The following TPRG1 variants were observed in gnomAD, a reference collection of about 807,000 sequenced individuals.
TPRG1 encodes tumor protein p63-regulated gene 1 protein.
Under a neutral mutation model 29.3 loss-of-function variants are expected in TPRG1, and 29 were observed. The observed-to-expected ratio is 0.99, with a 90% CI of 0.74 to 1.35. The LOEUF (loss-of-function observed/expected upper bound fraction) is 1.35, where lower values mean the gene tolerates loss of function less well. Among genes scored for constraint, TPRG1 ranks in the 40% most tolerant of loss-of-function variants. The pLI, the probability that TPRG1 is intolerant of heterozygous loss-of-function variation, is 0.00. For synonymous variants in TPRG1, 130 were observed against 116.8 expected (o/e 1.11, Z -0.73); for missense variants, 327 against 335.0 (o/e 0.98, Z 0.19).
chr3:189,216,872 A>C (rs1290785380), intron 3 of TPRG1, among the ~76,000 whole-genome samples: 2 of 152,208 alleles, frequency 1.3e-5, no homozygotes, highest in African/African-American at 4.8e-5. Flanking sequence ...CCTTGATTAG[A>C]ATAGGTGTCA....
intron 4 of TPRG1, among the ~76,000 whole-genome samples, chr3:189,285,038 C>A (rs1717817874): frequency 6.6e-6 from 1 of 152,274 alleles, no homozygotes; most frequent in South Asian, 2.1e-4. Flanking sequence ...GCAATCTACT[C>A]ATCTGACAAA....
chr3:189,159,471 C>G (rs956774502), intron 5 of TPRG1, among the ~76,000 whole-genome samples: 1 of 152,062 alleles, frequency 6.6e-6, no homozygotes, highest in Non-Finnish European at 1.5e-5. Context: ...TCTGGAGGAG[C>G]AGGTTGGGAA....
chr3:189,292,805 T>C (rs1043470910), intron 4 of TPRG1, among the ~76,000 whole-genome samples: 1 of 152,220 alleles, frequency 6.6e-6, no homozygotes, highest in Non-Finnish European at 1.5e-5. Flanking sequence ...GATTTTGTTA[T>C]TAAATACTAC....
chr3:189,290,966 G>A (rs181999419), intron 4 of TPRG1, among the ~76,000 whole-genome samples: 6 of 152,154 alleles, frequency 3.9e-5, no homozygotes, highest in African/African-American at 1.4e-4. Flanking sequence ...GCAGTGGCCC[G>A]ATCTCCACTC....
chr3:189,110,659 T>A (rs1453604199), intron 1 of TPRG1, among the ~76,000 whole-genome samples: 3 of 152,024 alleles, frequency 2.0e-5, no homozygotes, highest in African/African-American at 7.2e-5. Flanking sequence ...CTGCTTTTTC[T>A]TCTGGAAGTT....
upstream of TPRG1, among the ~76,000 whole-genome samples, chr3:189,170,304 G>A (rs1190585532): frequency 6.6e-6 from 1 of 152,172 alleles, no homozygotes; most frequent in African/African-American, 2.4e-5. Flanking sequence ...TTTTCAGCCT[G>A]GGGTCTGTAT....
intron 4 of TPRG1, among the ~76,000 whole-genome samples, chr3:189,056,739 A>G (rs1179704720): frequency 6.6e-6 from 1 of 152,196 alleles, no homozygotes; most frequent in Non-Finnish European, 1.5e-5. Flanking sequence ...AGAATCTCTC[A>G]GTGCAGACAG....
intron 1 of TPRG1, among the ~76,000 whole-genome samples, chr3:189,100,528 T>A (rs760252687): frequency 6.6e-6 from 1 of 152,198 alleles, no homozygotes; most frequent in Non-Finnish European, 1.5e-5. Context: ...AATTATTTGG[T>A]AATGGTAGTA....
At chr3:189,227,437 T>G (rs1737924179) in intron 3 of TPRG1, among the ~76,000 whole-genome samples, 1 of 152,222 alleles carries the variant, frequency 6.6e-6, no homozygotes, top group Non-Finnish European at 1.5e-5. Context: ...TTGCTCAGTG[T>G]GGCAGTTTTA....
chr3:189,031,395 A>G (rs1258460378), intron 4 of TPRG1, among the ~76,000 whole-genome samples: 1 of 152,216 alleles, frequency 6.6e-6, no homozygotes, highest in Non-Finnish European at 1.5e-5. Context: ...ACCAATACAC[A>G]TGGCATATGT....
intron 4 of TPRG1, among the ~76,000 whole-genome samples, chr3:189,039,834 C>T (rs905235851): frequency 2.3e-5 from 2 of 87,914 alleles, no homozygotes; most frequent in African/African-American, 6.8e-5. Flanking sequence ...ATCTTCTTCT[C>T]ACTCCTATTT....
chr3:189,031,617 C>G (rs2152129786), intron 4 of TPRG1, among the ~76,000 whole-genome samples: 1 of 152,226 alleles, frequency 6.6e-6, no homozygotes, highest in Admixed American at 6.5e-5. Flanking sequence ...CAAACTGTTG[C>G]TGAGTGAATA....
chr3:189,231,467 G>T (rs1000509451), intron 3 of TPRG1, among the ~76,000 whole-genome samples: 2 of 151,836 alleles, frequency 1.3e-5, no homozygotes, highest in Non-Finnish European at 2.9e-5. Context: ...AGTGTTTAAG[G>T]GATTTAGAAG....
chr3:189,098,154 AAAG>A (rs907763894), upstream of TPRG1, among the ~76,000 whole-genome samples: 55 of 152,218 alleles, frequency 3.6e-4, no homozygotes, highest in South Asian at 6.2e-4. Context: ...CACAGAGTAT[AAAG>A]AAGAAGAAAA....
intron 5 of TPRG1, among the ~76,000 whole-genome samples, chr3:189,164,890 G>A: frequency 6.6e-6 from 1 of 152,166 alleles, no homozygotes; most frequent in Non-Finnish European, 1.5e-5. Context: ...TGAGGAGCTG[G>A]AGCTTGTCCT....
chr3:189,259,487 C>T lies in TPRG1; in HGVS notation c.479+20578C>T, dbSNP rs1371471504. Among the ~76,000 whole-genome samples the T allele has an allele frequency of 2.6e-4, 22 of 85,402 alleles. No homozygotes were observed. The East Asian group carries it at 4.7e-3, about 18-fold the overall frequency. The allele number at this position is 85,402 out of a possible 152,430, so 56.0% of individuals were successfully genotyped here. A position where few individuals can be genotyped will look rare whatever the true frequency, so the allele number is the denominator to read the frequency against. ...CTTTTTTTTTTTTTTTTTTTTTTTA[C>T]GAAGTCTTGCTCTGTTGCCCAGGCT... is the stretch of plus-strand genomic sequence containing the variant. On this transcript the variant is annotated intron_variant, in intron 4 of 5. Coordinates refer to ENST00000345063, the MANE Select transcript of TPRG1 (RefSeq NM_198485.4).
chr3:189,308,810 T>C (rs1380520613), intron 4 of TPRG1, among the ~76,000 whole-genome samples: 2 of 152,156 alleles, frequency 1.3e-5, no homozygotes, highest in East Asian at 1.9e-4. Flanking sequence ...AATAATTCCA[T>C]TGTGCAAGTT....
At chr3:189,104,289 A>G (rs1719554081) in intron 1 of TPRG1, among the ~76,000 whole-genome samples, 1 of 152,162 alleles carries the variant, frequency 6.6e-6, no homozygotes, top group African/African-American at 2.4e-5. Flanking sequence ...ACGATAGAGC[A>G]CTAACCACAG....
At chr3:189,073,113 G>T (rs980706605) in intron 4 of TPRG1, among the ~76,000 whole-genome samples, 15 of 152,244 alleles carry the variant, frequency 9.9e-5, no homozygotes, top group African/African-American at 3.1e-4. Context: ...TGAGATCTGG[G>T]TACTAGATGT....
Sources: gnomAD v4.1 joint callset for allele counts (sites outside exome capture counted in the v4.1 genomes callset) on GRCh38, gnomAD v4.1.1 for gene constraint, MANE v1.5 for transcripts, NCBI Gene and HGNC (gene_info 2026-07-23, HGNC 2026-07-21) for gene names.